RAB3C: variants seen among roughly 807,000 people sequenced by gnomAD.
The protein encoded by RAB3C is ras-related protein Rab-3C.
A neutral mutation model predicts 26.4 loss-of-function variants in RAB3C; 17 were observed. The observed-to-expected ratio is 0.64, with a 90% CI of 0.44 to 0.97. RAB3C has a LOEUF of 0.97. Ranked by LOEUF, RAB3C falls within the 50% of genes least tolerant of loss-of-function variation. The probability of loss-of-function intolerance (pLI) is 0.00; values close to 1 mark genes in which losing one functional copy is unlikely to be tolerated. For synonymous variants in RAB3C, 91 were observed against 95.9 expected (o/e 0.95, Z 0.30); for missense variants, 242 against 281.9 (o/e 0.86, Z 1.01).
intron 1 of RAB3C, among the ~76,000 whole-genome samples, chr5:58,609,017 A>G (rs1036898845): frequency 2.0e-5 from 3 of 152,154 alleles, no homozygotes; most frequent in African/African-American, 7.2e-5. Context: ...AGGGCAGGAA[A>G]CATCACACAC....
chr5:58,609,559 A>G (rs1473232854), intron 1 of RAB3C, among the ~76,000 whole-genome samples: 1 of 152,172 alleles, frequency 6.6e-6, no homozygotes, highest in African/African-American at 2.4e-5. Context: ...CCTATACATA[A>G]GCTGAGGGTT....
chr5:58,700,524 C>T (rs144956738), intron 2 of RAB3C, among the ~76,000 whole-genome samples: 3 of 152,138 alleles, frequency 2.0e-5, no homozygotes, highest in Admixed American at 2.0e-4. Context: ...AATGGATAAG[C>T]TTGAGAATGT....
At chr5:58,737,944 A>G (rs953424745) in intron 3 of RAB3C, among the ~76,000 whole-genome samples, 2 of 152,216 alleles carry the variant, frequency 1.3e-5, no homozygotes, top group Non-Finnish European at 2.9e-5. Context: ...AATGTGACTT[A>G]AAGTTATCTG....
intron 4 of RAB3C, among the ~76,000 whole-genome samples, chr5:58,839,911 GT>G (rs80006938): frequency 0.014 from 1,988 of 145,842 alleles, 28 homozygotes; most frequent in African/African-American, 0.041. Context: ...TGGTTGGGAG[GT>G]TTTTTTTTTT....
intron 2 of RAB3C, among the ~76,000 whole-genome samples, chr5:58,660,401 T>C (rs1747876700): frequency 6.7e-6 from 1 of 150,038 alleles, no homozygotes; most frequent in South Asian, 2.1e-4. Context: ...TCCCATTCAC[T>C]CCCACCCCAA....
intron 2 of RAB3C, among the ~76,000 whole-genome samples, chr5:58,701,360 C>A (rs1411150395): frequency 6.6e-6 from 1 of 152,074 alleles, no homozygotes; most frequent in Non-Finnish European, 1.5e-5. Context: ...TCAATTTTAC[C>A]TTTGAAATGC....
At chr5:58,824,679 A>T (rs138484965) in intron 3 of RAB3C, among the ~76,000 whole-genome samples, 137 of 152,316 alleles carry the variant, frequency 9.0e-4, no homozygotes, top group African/African-American at 3.2e-3. Flanking sequence ...TGGGACTGTT[A>T]CTGCTTAAAC....
intron 1 of RAB3C, among the ~76,000 whole-genome samples, chr5:58,614,152 GA>G (rs1746773641): frequency 6.6e-6 from 1 of 152,074 alleles, no homozygotes; most frequent in African/African-American, 2.4e-5. Context: ...TATCTTTTAT[GA>G]AATTTGATGT....
chr5:58,821,879 T>G (rs147871447), intron 3 of RAB3C, among the ~76,000 whole-genome samples: 286 of 152,350 alleles, frequency 1.9e-3, no homozygotes, highest in Middle Eastern at 6.8e-3. Context: ...ATATTTGCTT[T>G]TTATTCCCTC....
intron 2 of RAB3C, among the ~76,000 whole-genome samples, chr5:58,672,025 ATAAAC>A (rs1350118269): frequency 6.6e-6 from 1 of 152,224 alleles, no homozygotes; most frequent in Non-Finnish European, 1.5e-5. Context: ...TTGGCATATT[ATAAAC>A]TAGGGGCCAT....
intron 3 of RAB3C, among the ~76,000 whole-genome samples, chr5:58,816,835 A>G (rs1477047497): frequency 1.3e-5 from 2 of 152,202 alleles, no homozygotes; most frequent in Non-Finnish European, 2.9e-5. Flanking sequence ...TGAAGCTAGA[A>G]GCTAGAAAGG....
chr5:58,726,568 G>A (rs1428480617), intron 3 of RAB3C, among the ~76,000 whole-genome samples: 1 of 151,808 alleles, frequency 6.6e-6, no homozygotes, highest in Non-Finnish European at 1.5e-5. Context: ...CACCACCACA[G>A]CAGAGTTAAG....
chr5:58,583,280 C>T (rs1745944229), intron 1 of RAB3C, 48 bp downstream of exon 1: 1 of 1,612,712 alleles, frequency 6.2e-7, no homozygotes, highest in African/African-American at 1.3e-5. Context: ...GAAAGAGATG[C>T]TTTTCCCCTT....
intron 1 of RAB3C, among the ~76,000 whole-genome samples, chr5:58,599,129 G>T (rs558498775): frequency 1.3e-5 from 2 of 152,284 alleles, no homozygotes; most frequent in African/African-American, 4.8e-5. Context: ...TTCTTTGGCA[G>T]CCTGACTCAG....
chr5:58,622,272 T>C (rs1463740860), intron 2 of RAB3C, among the ~76,000 whole-genome samples: 8 of 151,508 alleles, frequency 5.3e-5, no homozygotes, highest in African/African-American at 1.5e-4. Flanking sequence ...ATAATGGAGG[T>C]GGTTGGGAGT....
At chr5:58,843,493 CTT>C (rs1743919737) in intron 4 of RAB3C, among the ~76,000 whole-genome samples, 1 of 152,180 alleles carries the variant, frequency 6.6e-6, no homozygotes, top group African/African-American at 2.4e-5. Flanking sequence ...AGAAAAAACT[CTT>C]TTAAAACACT....
chr5:58,738,023 T>C (rs1019312584), intron 3 of RAB3C, among the ~76,000 whole-genome samples: 1 of 152,196 alleles, frequency 6.6e-6, no homozygotes, highest in African/African-American at 2.4e-5. Flanking sequence ...ATATTTGCAG[T>C]AAGTTAGTGC....
intron 4 of RAB3C, among the ~76,000 whole-genome samples, chr5:58,841,277 G>A (rs530616541): frequency 6.6e-6 from 1 of 152,322 alleles, no homozygotes; most frequent in Admixed American, 6.5e-5. Context: ...CCCTGGGCAA[G>A]ATTGCTATAC....
At chr5:58,601,626 C>T (rs867965455) in intron 1 of RAB3C, among the ~76,000 whole-genome samples, 9 of 151,926 alleles carry the variant, frequency 5.9e-5, no homozygotes, top group Admixed American at 2.0e-4. Context: ...TTCCAGTTTA[C>T]GTGCATAAAG....
Sources: allele counts gnomAD v4.1 joint callset (sites outside exome capture counted in the v4.1 genomes callset), GRCh38; gene constraint gnomAD v4.1.1; transcripts MANE v1.5; gene names NCBI Gene and HGNC (gene_info 2026-07-23, HGNC 2026-07-21).